The following ARFGEF1 variants were observed in gnomAD, a reference collection of about 807,000 sequenced individuals.
The protein encoded by ARFGEF1 is ARF guanine nucleotide exchange factor 1, also known as brefeldin A-inhibited guanine nucleotide-exchange protein 1.
In ARFGEF1, 42 loss-of-function variants were observed where a neutral mutation model predicts 231.0. That is an observed-to-expected ratio of 0.18 (90% confidence interval 0.14 to 0.24). ARFGEF1 has a LOEUF of 0.24. Ranked by LOEUF, ARFGEF1 falls within the 10% of genes least tolerant of loss-of-function variation. The pLI, the probability that ARFGEF1 is intolerant of heterozygous loss-of-function variation, is 1.00. For missense variants in ARFGEF1, 1,345 were observed against 2,192.0 expected (o/e 0.61, Z 7.72); for synonymous variants, 710 against 732.3 (o/e 0.97, Z 0.49).
intron 1 of ARFGEF1, among the ~76,000 whole-genome samples, chr8:67,302,725 T>A (rs1483942243): frequency 6.6e-6 from 1 of 152,132 alleles, no homozygotes; most frequent in Non-Finnish European, 1.5e-5. Flanking sequence ...CATTTCCTTT[T>A]CTCAAAGCAT....
intron 30 of ARFGEF1, 67 bp from the exon 31 acceptor site, chr8:67,218,205 AAAATATATATATATAT>A: frequency 6.5e-6 from 1 of 153,316 alleles, no homozygotes; most frequent in Non-Finnish European, 9.5e-6. Context: ...AAAAAAAAAA[AAAATATATATATATAT>A]ATATATATAT....
intron 5 of ARFGEF1, among the ~76,000 whole-genome samples, chr8:67,295,159 G>A (rs771884814): frequency 2.4e-4 from 37 of 152,170 alleles, no homozygotes; most frequent in Non-Finnish European, 4.7e-4. Context: ...AATAAATACA[G>A]AAGAGAGAAA....
chr8:67,203,209 G>C lies in ARFGEF1; in HGVS notation c.5002C>G (p.Gln1668Glu). 1 of 1,614,198 alleles carries C rather than the reference G, an allele frequency of 6.2e-7. No individual in the cohort carries two copies. The highest frequency in any genetic ancestry group is 1.1e-5 in the South Asian group (1 of 91,086). The change falls in exon 36 of 39, where the codon CAA becomes GAA. Residue 1668 changes from glutamine (Q) to glutamate (E), a missense_variant. Physicochemically the swap from Gln to Glu is conservative, Grantham distance 29 (BLOSUM62 2). This residue lies in a region of ARFGEF1 where 161 missense variants were observed against 284.9 expected (regional missense o/e 0.57). Transcript: ENST00000262215. ...GATGTTAAAAAGCGGTACATTCCTT[G>C]GTCTTGAGTATCAACGCGAACATCA... The part of the protein sequence containing the change: ...DFDVRVDTQD[Q>E]GMYRFLTSQQ...
intron 18 of ARFGEF1, among the ~76,000 whole-genome samples, chr8:67,252,282 CAAAAAA>C (rs57653248): frequency 4.6e-5 from 1 of 21,872 alleles, no homozygotes; most frequent in Non-Finnish European, 1.0e-4. Flanking sequence ...AACTCCATCT[CAAAAAA>C]AAAAAAAAAA....
intron 14 of ARFGEF1, 108 bp downstream of exon 14, chr8:67,265,898 A>T: frequency 1.0e-6 from 1 of 981,396 alleles, no homozygotes; most frequent in East Asian, 2.6e-5. Context: ...GATCCATGAG[A>T]ACTATCCTCC....
rs1446953552 is a variant in ARFGEF1, at chr8:67,259,797, T to C, written c.2235+18A>G. The C allele has an allele frequency of 6.6e-7, 1 of 1,516,330 alleles. No homozygotes were observed. The highest frequency in any genetic ancestry group is 1.2e-5 in the South Asian group (1 of 83,734). 93.9% of individuals were successfully genotyped at this position (1,516,330 alleles called of 1,614,324 possible). On this transcript the variant is annotated intron_variant, in intron 15 of 38. Transcript: ENST00000262215. ...AAGAATTTTACAGAAAAGGTTAGAA[T>C]GAAAATGGTATTCTTACAGAGTCTA... is the stretch of plus-strand genomic sequence containing the variant.
intron 5 of ARFGEF1, among the ~76,000 whole-genome samples, chr8:67,189,585 T>C (rs1835637046): frequency 6.6e-6 from 1 of 152,224 alleles, no homozygotes; most frequent in South Asian, 2.1e-4. Flanking sequence ...ATCAATTATA[T>C]GTTAAACAAT....
intron 14 of ARFGEF1, among the ~76,000 whole-genome samples, chr8:67,261,605 G>A: frequency 6.6e-6 from 1 of 152,164 alleles, no homozygotes. Flanking sequence ...ATGGAGATGT[G>A]CGATGAGATT....
At position 67,253,506 on chromosome 8, in the gene ARFGEF1, CT is replaced by C; in HGVS notation, c.2642del (p.Lys881ArgfsTer4). ...GTTCTTTTGTTTCTTTCATTGATAT[CT>C]TTTTCCCAGCTATTTCATTATAGAT... is the stretch of plus-strand genomic sequence containing the variant. ...SAIYNEIAGK[K>X]ISMKETKELT... On this transcript the variant is annotated frameshift_variant, in exon 18 of 39. Coordinates refer to ENST00000262215, the MANE Select transcript of ARFGEF1 (RefSeq NM_006421.5). LOFTEE classifies it high-confidence loss of function. 1 of 1,588,424 alleles carries C rather than the reference CT, an allele frequency of 6.3e-7. No individual in the cohort carries two copies. The highest frequency in any genetic ancestry group is 8.6e-7 in the Non-Finnish European group (1 of 1,158,578).
In ARFGEF1 at chr8:67,198,357, A is replaced by G; in HGVS notation, c.*577T>C. 1.8e-5 allele frequency: 18 copies of G among 984,656 alleles called. No homozygotes were observed. The highest frequency in any genetic ancestry group is 2.1e-5 in the Non-Finnish European group (17 of 828,828). The allele number at this position is 984,656 out of a possible 1,614,324, so 61.0% of individuals were successfully genotyped here. ...AAATAAAGAAAACAGTGCAGGAAGA[A>G]CTATATAATGTTTTAAGATTTTTAT... On this transcript the variant is annotated 3_prime_UTR_variant, in exon 39 of 39. Coordinates refer to ENST00000262215, the MANE Select transcript of ARFGEF1 (RefSeq NM_006421.5).
In ARFGEF1 at chr8:67,271,697, C is replaced by T. The variant is rs748382755; in HGVS notation, c.1572+5G>A. The T allele has an allele frequency of 9.5e-6, 15 of 1,582,640 alleles. No homozygotes were observed. Among genetic ancestry groups the T allele is most frequent in the Admixed American group, 3.4e-5 (2 of 58,984 alleles). ...AGTAACATTATGCCTAAATGCAAAA[C>T]GTACCTCAATTTGCATCTTCAGATG... On this transcript the variant is annotated splice_donor_5th_base_variant and intron_variant, in intron 10 of 38. Coordinates refer to ENST00000262215, the MANE Select transcript of ARFGEF1 (RefSeq NM_006421.5).
chr8:67,216,160 G>A lies in ARFGEF1; in HGVS notation c.4686+430C>T, dbSNP rs373848364. The stretch of plus-strand genomic sequence containing the variant: ...AAATTTATACCATCTTCTTAAAAGA[G>A]TCAAACGCATTGCAATGATATGAAT... On this transcript the variant is annotated intron_variant, in intron 33 of 38. Transcript: ENST00000262215. Among the ~76,000 whole-genome samples, 4 of 152,226 alleles carry A rather than the reference G, an allele frequency of 2.6e-5. No individual in the cohort carries two copies. The East Asian group carries it at 5.8e-4, about 22-fold the overall frequency.
chr8:67,177,356 C>T (rs1331011675), intron 5 of ARFGEF1, among the ~76,000 whole-genome samples: 1 of 152,138 alleles, frequency 6.6e-6, no homozygotes, highest in African/African-American at 2.4e-5. Flanking sequence ...TAACTCCATG[C>T]AACAACTTTC....
intron 5 of ARFGEF1, chr8:67,177,806 A>C (rs1483125669): frequency 1.0e-6 from 1 of 972,030 alleles, no homozygotes; most frequent in Non-Finnish European, 1.7e-6. Flanking sequence ...AAGTAATTCA[A>C]ATTTTGAATT....
chr8:67,245,638 C>T (rs1341990973), intron 19 of ARFGEF1, among the ~76,000 whole-genome samples: 1 of 149,646 alleles, frequency 6.7e-6, no homozygotes, highest in Non-Finnish European at 1.5e-5. Context: ...TTAAATCAAA[C>T]CATCAGAGAC....
intron 1 of ARFGEF1, among the ~76,000 whole-genome samples, chr8:67,322,507 G>A (rs1807643240): frequency 6.6e-6 from 1 of 152,050 alleles, no homozygotes; most frequent in South Asian, 2.1e-4. Context: ...GACCAGCCTG[G>A]GCAATATAGA....
At chr8:67,282,372 A>G (rs1289201029) in intron 7 of ARFGEF1, among the ~76,000 whole-genome samples, 1 of 152,196 alleles carries the variant, frequency 6.6e-6, no homozygotes, top group African/African-American at 2.4e-5. Context: ...ACACAGAAAA[A>G]TAAATCTGAG....
intron 5 of ARFGEF1, among the ~76,000 whole-genome samples, chr8:67,188,165 C>A (rs930421666): frequency 1.3e-5 from 2 of 152,172 alleles, no homozygotes; most frequent in African/African-American, 4.8e-5. Context: ...CCAAAATACA[C>A]AAAGAAATCT....
intron 34 of ARFGEF1, among the ~76,000 whole-genome samples, chr8:67,207,600 T>C (rs941567821): frequency 7.9e-5 from 12 of 152,204 alleles, no homozygotes; most frequent in Non-Finnish European, 1.2e-4. Context: ...AGAGCAAAGC[T>C]AAGCAGATTT....
Sources: allele counts gnomAD v4.1 joint callset (sites outside exome capture counted in the v4.1 genomes callset), GRCh38; gene constraint gnomAD v4.1.1; regional missense constraint gnomAD v4.1.1; transcripts MANE v1.5; gene names NCBI Gene and HGNC (gene_info 2026-07-23, HGNC 2026-07-21).